Variants in POGLUT3 observed in about 807,000 individuals in gnomAD.
POGLUT3 encodes protein O-glucosyltransferase 3, also known as KDEL (Lys-Asp-Glu-Leu) containing 2.
Under a neutral mutation model 54.3 loss-of-function variants are expected in POGLUT3, and 48 were observed. That is an observed-to-expected ratio of 0.88 (90% CI 0.70 to 1.12). The LOEUF (loss-of-function observed/expected upper bound fraction) is 1.12, where lower values mean the gene tolerates loss of function less well. POGLUT3 is among the 50% of genes most tolerant of loss of function. POGLUT3 has a pLI of 0.00. For synonymous variants in POGLUT3, 218 were observed against 237.4 expected, an observed-to-expected ratio of 0.92 and a Z score of 0.75; for missense variants, 629 against 618.7, an observed-to-expected ratio of 1.02 and a Z score of -0.18.
At chr11:108,496,244 C>A (rs116951426) in intron 1 of POGLUT3, among the ~76,000 whole-genome samples, 1,984 of 151,598 alleles carry the variant, frequency 0.013, 20 homozygotes, top group South Asian at 0.022. Flanking sequence ...TCCCTTGAGG[C>A]CAGGAATTTG....
At chr11:108,479,209 A>G (rs1012553439) in intron 6 of POGLUT3, 92 bp downstream of exon 6, 2 of 837,722 alleles carry the variant, frequency 2.4e-6, no homozygotes, top group African/African-American at 1.8e-5. Flanking sequence ...TTTTCATTCC[A>G]TTATGTCAAA....
At chr11:108,477,573 G>T in intron 7 of POGLUT3, 34 bp downstream of exon 7, 1 of 1,350,740 alleles carries the variant, frequency 7.4e-7, no homozygotes, top group Non-Finnish European at 1.1e-6. Context: ...GAGGACACCC[G>T]ACCCAGCAGT....
chr11:108,491,128 G>A lies in POGLUT3; in HGVS notation c.242C>T (p.Pro81Leu). ...PFKVVVKSLS[P>L]KELVRIHVPK... ...GACATGTATCCGGACCAACTCTTTA[G>A]GTGAAAGAGATTTGACTACGACTTT... Residue 81 changes from proline (P) to leucine (L), a missense_variant, in exon 2 of 8, where the codon CCT becomes CTT. Physicochemically the swap from Pro to Leu is moderately conservative, Grantham distance 98. Transcript: ENST00000323468. The A allele has an allele frequency of 6.2e-7, 1 of 1,613,944 alleles. No homozygotes were observed. The highest frequency in any genetic ancestry group is 1.1e-5 in the South Asian group (1 of 91,066).
intron 3 of POGLUT3, among the ~76,000 whole-genome samples, chr11:108,483,053 C>T (rs952291936): frequency 6.6e-6 from 1 of 152,334 alleles, no homozygotes; most frequent in Middle Eastern, 3.4e-3. Context: ...CTGGGCTCTC[C>T]ATACTGTAAT....
chr11:108,486,374 C>A lies in POGLUT3; in HGVS notation c.467G>T (p.Cys156Phe), dbSNP rs1301390313. Residue 156 changes from cysteine (C) to phenylalanine (F), a missense_variant, in exon 3 of 8, where the codon TGT becomes TTT. Physicochemically the swap from Cys to Phe is radical, Grantham distance 205. Coordinates refer to ENST00000323468, the MANE Select transcript of POGLUT3 (RefSeq NM_153705.5). Reference protein sequence around the residue: ...DPQAWQKTLSCPTKEPQIAKD... With the variant: ...DPQAWQKTLSFPTKEPQIAKD... ...TGCAATCTGTGGTTCCTTGGTTGGACAAGAAAGAGTCTTCTGCCAGGCCTG... is the reference window on the plus strand; with the variant it reads ...TGCAATCTGTGGTTCCTTGGTTGGAAAAGAAAGAGTCTTCTGCCAGGCCTG... 5 of 1,614,092 alleles carry A rather than the reference C, an allele frequency of 3.1e-6. No homozygotes were observed. The highest frequency in any genetic ancestry group is 4.2e-6 in the Non-Finnish European group (5 of 1,180,034).
intron 3 of POGLUT3, among the ~76,000 whole-genome samples, chr11:108,485,808 C>G (rs1308126406): frequency 6.6e-6 from 1 of 152,090 alleles, no homozygotes; most frequent in South Asian, 2.1e-4. Context: ...CAGGCGCCCA[C>G]CACCACGCCC....
rs2093603664 is a variant in POGLUT3, at chr11:108,486,445, G to A, written c.401-5C>T. 4 of 1,610,170 alleles carry A rather than the reference G, an allele frequency of 2.5e-6. No homozygotes were observed. Among genetic ancestry groups the A allele is most frequent in the African/African-American group, 1.3e-5 (1 of 74,842 alleles). ...AGTACTCATGGTACACTGGTCCTAG[G>A]GAAGGAAAACATGAAAAAGGCCGCA... On this transcript the variant is annotated splice_region_variant and splice_polypyrimidine_tract_variant and intron_variant, in intron 2 of 7. Coordinates refer to ENST00000323468, the MANE Select transcript of POGLUT3 (RefSeq NM_153705.5).
rs1244917189 is a variant in POGLUT3 at position 108,474,877 on chromosome 11, T to C, written c.1474A>G (p.Thr492Ala). 1.2e-6 allele frequency: 2 copies of C among 1,614,108 alleles called. No homozygotes were observed. Among genetic ancestry groups the C allele is most frequent in the African/African-American group, 1.3e-5 (1 of 75,048 alleles). ...TTCCTGTGGCACTGGCAGATGGCTG[T>C]GCTATCTTCTGGCTGAGGAACAAGT... ...MELVPQPEDS[T>A]AICQCHRKKP... is the part of the protein sequence containing the mutation. Residue 492 changes from threonine to alanine, a missense_variant, in exon 8 of 8, where the codon ACA becomes GCA. Physicochemically the swap from Thr to Ala is moderately conservative, Grantham distance 58. Coordinates refer to ENST00000323468, the MANE Select transcript of POGLUT3 (RefSeq NM_153705.5).
At chr11:108,481,606 A>G (rs1020437921) in intron 4 of POGLUT3, among the ~76,000 whole-genome samples, 8 of 152,190 alleles carry the variant, frequency 5.3e-5, no homozygotes, top group Non-Finnish European at 1.0e-4. Flanking sequence ...TTGCTGTATT[A>G]TGTAAAAGAA....
intron 2 of POGLUT3, among the ~76,000 whole-genome samples, chr11:108,488,220 T>C (rs1335134244): frequency 6.6e-6 from 1 of 151,818 alleles, no homozygotes; most frequent in Non-Finnish European, 1.5e-5. Flanking sequence ...AGACGGAGTT[T>C]TGCCATATTG....
chr11:108,482,635 A>C (rs1591641283), intron 3 of POGLUT3, among the ~76,000 whole-genome samples: 2 of 152,162 alleles, frequency 1.3e-5, no homozygotes, highest in African/African-American at 2.4e-5. Context: ...AATCCCAGCT[A>C]CTCAGGAGGC....
rs763567439 is a variant in POGLUT3 at position 108,486,172 on chromosome 11, T to C, written c.669A>G (p.Leu223=). The C allele has an allele frequency of 3.2e-5, 52 of 1,608,418 alleles. No homozygotes were observed. The Middle Eastern group carries it at 1.1e-3, about 33-fold the overall frequency. Residue 223 remains leucine, a synonymous_variant, in exon 3 of 8, where the codon TTA becomes TTG. Transcript: ENST00000323468. ...ATTCTCCTACCTTTCTTGTCAATGA[T>C]AACAAAATCTCATCAGAGAACATCT... ...DFKMFSDEIL[L]SLTRKVLLPD... is the part of the protein sequence containing the mutation.
At chr11:108,488,234 A>G (rs2093607179) in intron 2 of POGLUT3, among the ~76,000 whole-genome samples, 4 of 152,044 alleles carry the variant, frequency 2.6e-5, no homozygotes, top group Admixed American at 2.6e-4. Flanking sequence ...CATATTGGCC[A>G]GGTTGGTCTC....
chr11:108,487,585 CTTT>C (rs1321712767), intron 2 of POGLUT3, among the ~76,000 whole-genome samples: 1 of 151,954 alleles, frequency 6.6e-6, no homozygotes, highest in African/African-American at 2.4e-5. Flanking sequence ...TTCTTTCTTT[CTTT>C]TATTTTTGTT....
chr11:108,497,548 G>A (rs1591647538), intron 1 of POGLUT3, among the ~76,000 whole-genome samples: 1 of 152,320 alleles, frequency 6.6e-6, no homozygotes, highest in Admixed American at 6.5e-5. Flanking sequence ...GAGGAGGACC[G>A]GGCAGAAAGG....
chr11:108,497,189 AAC>A (rs2093623656), intron 1 of POGLUT3, among the ~76,000 whole-genome samples: 2 of 152,248 alleles, frequency 1.3e-5, no homozygotes, highest in African/African-American at 4.8e-5. Flanking sequence ...AGAATTACCA[AAC>A]ACAGAAGTAG....
At chr11:108,489,322 T>C (rs763539813) in intron 2 of POGLUT3, among the ~76,000 whole-genome samples, 3 of 152,200 alleles carry the variant, frequency 2.0e-5, no homozygotes, top group African/African-American at 4.8e-5. Flanking sequence ...ATAATGGCCA[T>C]AATTTTTCTA....
intron 7 of POGLUT3, among the ~76,000 whole-genome samples, chr11:108,476,643 A>C (rs1391892308): frequency 6.6e-6 from 1 of 152,226 alleles, no homozygotes; most frequent in Non-Finnish European, 1.5e-5. Flanking sequence ...TTAGGTTAAA[A>C]ACAAGAACAT....
At chr11:108,482,367 A>T in intron 3 of POGLUT3, 145 bp from the exon 4 acceptor site, 1 of 609,640 alleles carries the variant, frequency 1.6e-6, no homozygotes, top group South Asian at 2.2e-5. Context: ...TGTCATTGAC[A>T]GGATGGCTGT....
Sources: gnomAD v4.1 joint callset for allele counts (sites outside exome capture counted in the v4.1 genomes callset) on GRCh38, gnomAD v4.1.1 for gene constraint, MANE v1.5 for transcripts, NCBI Gene and HGNC (gene_info 2026-07-23, HGNC 2026-07-21) for gene names.